LHFPL6: variants seen among roughly 807,000 people sequenced by gnomAD.
LHFPL6 encodes LHFPL tetraspan subfamily member 6 protein.
LHFPL6 carries 9 observed loss-of-function variants against 20.6 expected under a neutral mutation model. That is an observed-to-expected ratio of 0.44 (90% CI 0.26 to 0.76). LHFPL6 has a LOEUF of 0.76. Among genes scored for constraint, LHFPL6 ranks in the 30% least tolerant of loss-of-function variants. The pLI, the probability that LHFPL6 is intolerant of heterozygous loss-of-function variation, is 0.20. For synonymous variants in LHFPL6, 105 were observed against 98.7 expected, an observed-to-expected ratio of 1.06 and a Z score of -0.38; for missense variants, 218 against 253.5, an observed-to-expected ratio of 0.86 and a Z score of 0.95.
At chr13:39,359,801 A>C (rs77517664) in intron 3 of LHFPL6, among the ~76,000 whole-genome samples, 1 of 152,036 alleles carries the variant, frequency 6.6e-6, no homozygotes, top group Non-Finnish European at 1.5e-5. Context: ...GAAAAAAAAA[A>C]CTGCAGCTCT....
intron 3 of LHFPL6, among the ~76,000 whole-genome samples, chr13:39,377,880 C>T (rs1870333055): frequency 6.6e-6 from 1 of 152,218 alleles, no homozygotes; most frequent in Admixed American, 6.5e-5. Flanking sequence ...ATGAGCTTTT[C>T]CCATTCTTTC....
At chr13:39,506,482 T>C (rs1869487996) in intron 2 of LHFPL6, among the ~76,000 whole-genome samples, 1 of 152,200 alleles carries the variant, frequency 6.6e-6, no homozygotes, top group African/African-American at 2.4e-5. Context: ...CACCTAATTT[T>C]CTATCCAGCC....
intron 2 of LHFPL6, among the ~76,000 whole-genome samples, chr13:39,548,082 C>T (rs934149266): frequency 6.6e-6 from 1 of 150,880 alleles, no homozygotes; most frequent in African/African-American, 2.5e-5. Flanking sequence ...ATAAGAAAGA[C>T]TAGGAGATGT....
chr13:39,500,391 C>T (rs1369128214), intron 2 of LHFPL6, among the ~76,000 whole-genome samples: 1 of 151,922 alleles, frequency 6.6e-6, no homozygotes, highest in African/African-American at 2.4e-5. Context: ...GTGTCTGGGA[C>T]TATAGGTGCA....
chr13:39,591,882 A>C (rs1305734353), intron 2 of LHFPL6, among the ~76,000 whole-genome samples: 1 of 152,118 alleles, frequency 6.6e-6, no homozygotes, highest in Non-Finnish European at 1.5e-5. Context: ...GATTACCTAA[A>C]GTCAGGAGTT....
intron 3 of LHFPL6, among the ~76,000 whole-genome samples, chr13:39,367,554 TG>T (rs1265595254): frequency 1.3e-5 from 2 of 152,230 alleles, no homozygotes; most frequent in African/African-American, 2.4e-5. Flanking sequence ...TCTAGCTTTC[TG>T]GAGGAATTTG....
chr13:39,583,614 A>C (rs1872356836), intron 2 of LHFPL6, among the ~76,000 whole-genome samples: 1 of 152,196 alleles, frequency 6.6e-6, no homozygotes, highest in Admixed American at 6.5e-5. Flanking sequence ...CCTCTACCTC[A>C]CAAGGACTAG....
chr13:39,580,354 G>A (rs1251606654), intron 2 of LHFPL6, among the ~76,000 whole-genome samples: 1 of 152,044 alleles, frequency 6.6e-6, no homozygotes, highest in Non-Finnish European at 1.5e-5. Flanking sequence ...ATTATGATCT[G>A]TGGAGGTCAA....
intron 2 of LHFPL6, among the ~76,000 whole-genome samples, chr13:39,487,397 C>A (rs553560764): frequency 1.3e-5 from 2 of 152,284 alleles, no homozygotes; most frequent in East Asian, 3.9e-4. Flanking sequence ...CTGCTCTAGC[C>A]ACATCAAGGG....
intron 3 of LHFPL6, among the ~76,000 whole-genome samples, chr13:39,345,512 CAAAAAAAAAAAAAAAAAA>C (rs71077225): frequency 0.024 from 1,046 of 43,492 alleles, 64 homozygotes; most frequent in African/African-American, 0.067. Context: ...GACTCCATCT[CAAAAAAAAAAAAAAAAAA>C]AAAAAAAAAA....
At chr13:39,358,586 C>T (rs1030185650) in intron 3 of LHFPL6, among the ~76,000 whole-genome samples, 2 of 98,982 alleles carry the variant, frequency 2.0e-5, no homozygotes, top group African/African-American at 6.0e-5. Context: ...GAGAAATGAT[C>T]AACGGAGTAA....
intron 2 of LHFPL6, among the ~76,000 whole-genome samples, chr13:39,561,903 T>C (rs72623303): frequency 0.089 from 13,548 of 152,264 alleles, 709 homozygotes; most frequent in East Asian, 0.23. Context: ...ATTATCTCTA[T>C]GTAATAGATG....
intron 2 of LHFPL6, among the ~76,000 whole-genome samples, chr13:39,531,240 T>C (rs1211535154): frequency 1.3e-5 from 2 of 152,198 alleles, no homozygotes; most frequent in Admixed American, 1.3e-4. Flanking sequence ...ACATGACTAT[T>C]AGGAAACATC....
intron 2 of LHFPL6, among the ~76,000 whole-genome samples, chr13:39,409,509 C>T (rs1161401208): frequency 1.3e-5 from 2 of 152,088 alleles, no homozygotes; most frequent in Admixed American, 6.5e-5. Context: ...TGAGATACTA[C>T]GCATGACCAC....
At chr13:39,533,710 C>T (rs1197475891) in intron 2 of LHFPL6, among the ~76,000 whole-genome samples, 4 of 152,240 alleles carry the variant, frequency 2.6e-5, no homozygotes, top group African/African-American at 9.6e-5. Context: ...AAGGACTCAT[C>T]TACCCTATTT....
chr13:39,579,374 A>T (rs892415028), intron 2 of LHFPL6, among the ~76,000 whole-genome samples: 1 of 152,208 alleles, frequency 6.6e-6, no homozygotes, highest in Non-Finnish European at 1.5e-5. Context: ...GTCACCCAGC[A>T]GGTCATGACC....
At position 39,532,143 on chromosome 13, in the gene LHFPL6, C is replaced by A. The variant is rs887739290; in HGVS notation, c.385+68689G>T. ...CCTCCTGCCTAATAATCCTGCTTCC[C>A]TCCAGCATTCACCTACCCTAAACCC... On this transcript the variant is annotated intron_variant, in intron 2 of 3. Coordinates refer to ENST00000379589, the MANE Select transcript of LHFPL6 (RefSeq NM_005780.3). 2.0e-5 allele frequency among the ~76,000 whole-genome samples: 3 copies of A among 152,128 alleles called. No homozygotes were observed. In the East Asian group the frequency reaches 5.8e-4, roughly 29 times the overall value.
At chr13:39,419,032 T>G (rs917502977) in intron 2 of LHFPL6, among the ~76,000 whole-genome samples, 1 of 152,240 alleles carries the variant, frequency 6.6e-6, no homozygotes, top group Non-Finnish European at 1.5e-5. Context: ...ATATTTATTT[T>G]TTAAGAAATG....
At chr13:39,382,835 T>A (rs1409070700) in intron 2 of LHFPL6, among the ~76,000 whole-genome samples, 1 of 152,228 alleles carries the variant, frequency 6.6e-6, no homozygotes, top group Non-Finnish European at 1.5e-5. Flanking sequence ...AACTAGCTTA[T>A]CTGAATTTTT....
Sources: gnomAD v4.1 joint callset for allele counts (sites outside exome capture counted in the v4.1 genomes callset) on GRCh38, gnomAD v4.1.1 for gene constraint, MANE v1.5 for transcripts, NCBI Gene and HGNC (gene_info 2026-07-23, HGNC 2026-07-21) for gene names.